Variants in KCND2 observed in about 807,000 individuals in gnomAD.
KCND2 encodes A-type voltage-gated potassium channel KCND2.
Under a neutral mutation model 54.4 loss-of-function variants are expected in KCND2, and 16 were observed. The observed-to-expected ratio is 0.29, with a 90% CI of 0.20 to 0.45. KCND2 has a LOEUF of 0.45. KCND2 is among the 20% of genes least tolerant of loss of function. The probability of loss-of-function intolerance (pLI) is 1.00; values close to 1 mark genes in which losing one functional copy is unlikely to be tolerated. For missense variants in KCND2, 486 were observed against 824.2 expected (o/e 0.59, Z 5.02); for synonymous variants, 317 against 310.7 (o/e 1.02, Z -0.21).
intron 1 of KCND2, among the ~76,000 whole-genome samples, chr7:120,304,396 A>G (rs1338112510): frequency 2.0e-5 from 3 of 152,212 alleles, no homozygotes; most frequent in East Asian, 3.8e-4. Flanking sequence ...ACTGAATTAC[A>G]TAAGATTTTT....
chr7:120,302,938 T>G (rs1379892430), intron 1 of KCND2, among the ~76,000 whole-genome samples: 3 of 152,204 alleles, frequency 2.0e-5, no homozygotes, highest in Non-Finnish European at 4.4e-5. Context: ...TGAAATGATC[T>G]CTACAAGGTC....
intron 1 of KCND2, among the ~76,000 whole-genome samples, chr7:120,649,369 A>G (rs989323479): frequency 6.6e-6 from 1 of 152,172 alleles, no homozygotes; most frequent in Non-Finnish European, 1.5e-5. Context: ...TAAAATAAGT[A>G]AGACTATAAT....
intron 1 of KCND2, among the ~76,000 whole-genome samples, chr7:120,567,349 T>G (rs1187616508): frequency 1.3e-5 from 2 of 152,196 alleles, no homozygotes; most frequent in Non-Finnish European, 2.9e-5. Context: ...CTGTTTATAT[T>G]TGTTGCAACA....
At chr7:120,430,569 T>C (rs1306973081) in intron 1 of KCND2, among the ~76,000 whole-genome samples, 1 of 151,962 alleles carries the variant, frequency 6.6e-6, no homozygotes, top group Admixed American at 6.6e-5. Context: ...AAAAAAAATC[T>C]GATTATAGAT....
chr7:120,720,731 A>G (rs1010284586), intron 1 of KCND2, among the ~76,000 whole-genome samples: 1 of 151,954 alleles, frequency 6.6e-6, no homozygotes, highest in African/African-American at 2.4e-5. Flanking sequence ...TCCTCCCTTT[A>G]CCCTGCAGCC....
At chr7:120,629,691 G>A (rs987904630) in intron 1 of KCND2, among the ~76,000 whole-genome samples, 1 of 152,204 alleles carries the variant, frequency 6.6e-6, no homozygotes, top group South Asian at 2.1e-4. Context: ...GTTCAAGTGT[G>A]AGCAGTATTG....
intron 1 of KCND2, among the ~76,000 whole-genome samples, chr7:120,650,576 C>T (rs992089719): frequency 7.0e-6 from 1 of 143,586 alleles, no homozygotes; most frequent in South Asian, 2.2e-4. Flanking sequence ...TCCTTTAGCT[C>T]GGAGAAGTTT....
intron 1 of KCND2, among the ~76,000 whole-genome samples, chr7:120,661,321 T>A (rs1202956678): frequency 2.0e-5 from 3 of 152,122 alleles, no homozygotes; most frequent in African/African-American, 7.2e-5. Context: ...GGCCATAGGT[T>A]CCTGAAGCTT....
intron 1 of KCND2, among the ~76,000 whole-genome samples, chr7:120,322,186 G>A (rs1799901164): frequency 6.6e-6 from 1 of 151,732 alleles, no homozygotes; most frequent in African/African-American, 2.4e-5. Context: ...TTAAAAAAAA[G>A]CATAATTAAA....
intron 1 of KCND2, among the ~76,000 whole-genome samples, chr7:120,491,560 C>T (rs11761401): frequency 0.13 from 19,040 of 151,986 alleles, 1,753 homozygotes; most frequent in East Asian, 0.49. Flanking sequence ...ATTTGTGGTA[C>T]ATAACAGAGC....
intron 1 of KCND2, among the ~76,000 whole-genome samples, chr7:120,343,269 G>A (rs528763191): frequency 6.6e-6 from 1 of 152,194 alleles, no homozygotes; most frequent in South Asian, 2.1e-4. Context: ...GCTTATGGAT[G>A]AACTAGCTAG....
At chr7:120,686,417 T>A (rs1259126859) in intron 1 of KCND2, among the ~76,000 whole-genome samples, 1 of 152,174 alleles carries the variant, frequency 6.6e-6, no homozygotes, top group African/African-American at 2.4e-5. Context: ...AAGATGGAAA[T>A]CCTACTGTTA....
chr7:120,712,744 A>G (rs1191331982), intron 1 of KCND2, among the ~76,000 whole-genome samples: 2 of 152,170 alleles, frequency 1.3e-5, no homozygotes, highest in African/African-American at 4.8e-5. Context: ...CTTAAATTAG[A>G]AGTTCAAAAA....
chr7:120,698,803 A>G (rs1247178816), intron 1 of KCND2, among the ~76,000 whole-genome samples: 3 of 152,220 alleles, frequency 2.0e-5, no homozygotes, highest in Non-Finnish European at 4.4e-5. Flanking sequence ...CTTACCACCA[A>G]TAAATCAGCT....
intron 1 of KCND2, among the ~76,000 whole-genome samples, chr7:120,343,544 A>C (rs759448273): frequency 1.1e-4 from 16 of 152,186 alleles, no homozygotes; most frequent in Non-Finnish European, 1.8e-4. Flanking sequence ...TGAAGAGGAA[A>C]TAGGCTTTTA....
Position 120,274,794 on chromosome 7 carries a change from G to C in KCND2, c.162G>C (p.Thr54=). The C allele has an allele frequency of 6.2e-7, 1 of 1,614,082 alleles. No homozygotes were observed. Among genetic ancestry groups the C allele is most frequent in the Non-Finnish European group, 8.5e-7 (1 of 1,180,018 alleles). Residue 54 remains threonine, a synonymous_variant, in exon 1 of 6, where the codon ACG becomes ACC. Coordinates refer to ENST00000331113, the MANE Select transcript of KCND2 (RefSeq NM_012281.3). Reference sequence around the variant, plus strand: ...ATGTGAGTGGCACCCGCTTCCAGACGTGGCAGGACACCCTGGAACGTTACC... The same window carrying C: ...ATGTGAGTGGCACCCGCTTCCAGACCTGGCAGGACACCCTGGAACGTTACC... The part of the protein sequence containing the change: ...VLNVSGTRFQ[T]WQDTLERYPD...
At position 120,366,049 on chromosome 7, in the gene KCND2, A is replaced by G. The variant is rs141723716; in HGVS notation, c.1115+90302A>G. Among the ~76,000 whole-genome samples, 213 of 152,260 alleles carry G rather than the reference A, an allele frequency of 1.4e-3. 1 individual carries two copies. The highest frequency in any genetic ancestry group is 5.0e-3 in the African/African-American group (207 of 41,572). On this transcript the variant is annotated intron_variant, in intron 1 of 5. Transcript: ENST00000331113. ...TAGACAATTGTTAATTATAGTAGAGATGATTCCAGTTAGTAAACAGCATTG... is the reference window on the plus strand; with the variant it reads ...TAGACAATTGTTAATTATAGTAGAGGTGATTCCAGTTAGTAAACAGCATTG...
rs529688272 is a variant in KCND2 at position 120,645,511 on chromosome 7, C to T, written c.1116-87392C>T. 4.0e-5 allele frequency among the ~76,000 whole-genome samples: 6 copies of T among 151,862 alleles called. No individual in the cohort carries two copies. In the East Asian group the frequency reaches 7.8e-4, roughly 20 times the overall value. Reference sequence around the variant, plus strand: ...TACTAATACAGAGTTCTGTGTTTCACGGCTGGCCACATGACAAGTGGCATG... The same window carrying T: ...TACTAATACAGAGTTCTGTGTTTCATGGCTGGCCACATGACAAGTGGCATG... On this transcript the variant is annotated intron_variant, in intron 1 of 5. Transcript: ENST00000331113.
intron 1 of KCND2, among the ~76,000 whole-genome samples, chr7:120,350,948 C>T (rs1347995619): frequency 6.6e-6 from 1 of 151,970 alleles, no homozygotes; most frequent in Non-Finnish European, 1.5e-5. Context: ...ACTGACATCT[C>T]TATTGAATGT....
Sources: gnomAD v4.1 joint callset for allele counts (sites outside exome capture counted in the v4.1 genomes callset) on GRCh38, gnomAD v4.1.1 for gene constraint, MANE v1.5 for transcripts, NCBI Gene and HGNC (gene_info 2026-07-23, HGNC 2026-07-21) for gene names.